SLURP1: variants seen among roughly 807,000 people sequenced by gnomAD.
SLURP1 encodes the protein secreted Ly-6/uPAR-related protein 1.
Under a neutral mutation model 7.9 loss-of-function variants are expected in SLURP1, and 2 were observed. That is an observed-to-expected ratio of 0.25 (90% CI 0.10 to 0.79). The LOEUF (loss-of-function observed/expected upper bound fraction) is 0.79. Ranked by LOEUF, SLURP1 falls within the 30% of genes least tolerant of loss-of-function variation. The pLI is 0.69. For synonymous variants in SLURP1, 59 were observed against 54.9 expected (o/e 1.07, Z -0.33); for missense variants, 111 against 139.8 (o/e 0.79, Z 1.04).
At chr8:142,742,013 C>A (rs1323044347) in intron 1 of SLURP1, 91 bp from the exon 2 acceptor site, 2 of 1,578,656 alleles carry the variant, frequency 1.3e-6, no homozygotes, top group East Asian at 4.5e-5. Context: ...GTCTCGCTGA[C>A]ATCTTTCAAG....
In SLURP1 at chr8:142,742,047, C is replaced by T. The variant is rs1254021197; in HGVS notation, c.59-125G>A. The T allele has an allele frequency of 8.2e-6, 12 of 1,463,326 alleles. No individual in the cohort carries two copies. The East Asian group carries it at 2.4e-4, about 30-fold the overall frequency. 90.6% of individuals were successfully genotyped at this position (1,463,326 alleles called of 1,614,324 possible). A position where few individuals can be genotyped will look rare whatever the true frequency, so the allele number is the denominator to read the frequency against. On this transcript the variant is annotated intron_variant, in intron 1 of 2. Coordinates refer to ENST00000246515, the MANE Select transcript of SLURP1 (RefSeq NM_020427.3). Reference sequence around the variant, plus strand: ...AGGCCCCGGGCAGCCCTTCAAGGGGCCTCTCTGGCAGCTTTCTCTAACTGA... The same window carrying T: ...AGGCCCCGGGCAGCCCTTCAAGGGGTCTCTCTGGCAGCTTTCTCTAACTGA...
At position 142,741,233 on chromosome 8, in the gene SLURP1, G is replaced by T. The variant is rs200448251; in HGVS notation, c.222C>A (p.Ser74=). The change falls in exon 3 of 3, where the codon TCC becomes TCA. Residue 74 remains serine, a synonymous_variant. Coordinates refer to ENST00000246515, the MANE Select transcript of SLURP1 (RefSeq NM_020427.3). This position sits in a 1 kb window ranked among gnomAD's most constrained non-coding sequence, Gnocchi z 4.3. ...CGGGGTCGGTGGCCACACAGGAGCTGGAGCAGGAGCGGGTCACCACGGGGC... is the reference window on the plus strand; with the variant it reads ...CGGGGTCGGTGGCCACACAGGAGCTTGAGCAGGAGCGGGTCACCACGGGGC... The part of the protein sequence containing the change: ...NQSPVVTRSC[S]SSCVATDPDS... 1 of 1,609,812 alleles carries T rather than the reference G, an allele frequency of 6.2e-7. No homozygotes were observed. Among genetic ancestry groups the T allele is most frequent in the East Asian group, 2.2e-5 (1 of 44,850 alleles).
chr8:142,742,265 C>A, intron 1 of SLURP1, 63 bp downstream of exon 1: 1 of 1,552,798 alleles, frequency 6.4e-7, no homozygotes, highest in African/African-American at 1.4e-5. Flanking sequence ...ACAGCCCCAT[C>A]CCCCTAGGAG....
In SLURP1 at chr8:142,741,387, C is replaced by T; in HGVS notation, c.179-111G>A. 7.1e-7 allele frequency: 1 copy of T among 1,415,792 alleles called. No homozygotes were observed. The highest frequency in any genetic ancestry group is 1.4e-5 in the South Asian group (1 of 73,742). 87.7% of individuals were successfully genotyped at this position (1,415,792 alleles called of 1,614,324 possible). A position where few individuals can be genotyped will look rare whatever the true frequency, so the allele number is the denominator to read the frequency against. On this transcript the variant is annotated intron_variant, in intron 2 of 2. Coordinates refer to ENST00000246515, the MANE Select transcript of SLURP1 (RefSeq NM_020427.3). This position sits in a 1 kb window ranked among gnomAD's most constrained non-coding sequence, Gnocchi z 4.3. ...TCACCCTCCCTGTGATCCCTGTTCCCAATAGTCCACATCTGTGAAGCCACC... is the reference window on the plus strand; with the variant it reads ...TCACCCTCCCTGTGATCCCTGTTCCTAATAGTCCACATCTGTGAAGCCACC...
Position 142,741,005 on chromosome 8 carries a change from G to C in SLURP1, c.*138C>G. ...GTATGGAAGGCAGAGGGCGCCCCTGGTGTGCTTCTCTCCCCTCAGACCCCA... is the reference window on the plus strand; with the variant it reads ...GTATGGAAGGCAGAGGGCGCCCCTGCTGTGCTTCTCTCCCCTCAGACCCCA... On this transcript the variant is annotated 3_prime_UTR_variant, in exon 3 of 3. Transcript: ENST00000246515. This position sits in a 1 kb window ranked among gnomAD's most constrained non-coding sequence, Gnocchi z 4.3. 1 of 1,291,896 alleles carries C rather than the reference G, an allele frequency of 7.7e-7. No individual in the cohort carries two copies. The highest frequency in any genetic ancestry group is 1.1e-6 in the Non-Finnish European group (1 of 916,450). The allele number at this position is 1,291,896 out of a possible 1,614,324, so 80.0% of individuals were successfully genotyped here.
chr8:142,741,687 G>A lies in SLURP1; in HGVS notation c.178+116C>T. 1 of 1,525,130 alleles carries A rather than the reference G, an allele frequency of 6.6e-7. No individual in the cohort carries two copies. Among genetic ancestry groups the A allele is most frequent in the Non-Finnish European group, 8.9e-7 (1 of 1,121,048 alleles). The allele number at this position is 1,525,130 out of a possible 1,614,324, so 94.5% of individuals were successfully genotyped here. ...CTGCCAAGGTGTGGCAGCCTGTTCT[G>A]CCCATCCCACCTGCTGCCTTTTGGG... On this transcript the variant is annotated intron_variant, in intron 2 of 2. Transcript: ENST00000246515. The surrounding 1 kb of genome is among the most constrained non-coding windows in gnomAD (Gnocchi z 4.3).
In SLURP1 at chr8:142,741,745, T is replaced by C; in HGVS notation, c.178+58A>G. The C allele has an allele frequency of 6.2e-7, 1 of 1,601,220 alleles. No homozygotes were observed. Among genetic ancestry groups the C allele is most frequent in the Non-Finnish European group, 8.5e-7 (1 of 1,179,548 alleles). ...GAGCACCAGCAAAGGAGGGAGGCAC[T>C]TGGGGGAGGTGGCCCTGACTCCAGT... On this transcript the variant is annotated intron_variant, in intron 2 of 2. Transcript: ENST00000246515. This position sits in a 1 kb window ranked among gnomAD's most constrained non-coding sequence, Gnocchi z 4.3.
rs1275225023 is a variant in SLURP1 at position 142,741,423 on chromosome 8, C to T, written c.179-147G>A. On this transcript the variant is annotated intron_variant, in intron 2 of 2. Coordinates refer to ENST00000246515, the MANE Select transcript of SLURP1 (RefSeq NM_020427.3). This position sits in a 1 kb window ranked among gnomAD's most constrained non-coding sequence, Gnocchi z 4.3. ...ATCTGTGAAGCCACCCAGGGCCCAGCCCTCCTCTGACTGTGACCTGTTCAT... is the reference window on the plus strand; with the variant it reads ...ATCTGTGAAGCCACCCAGGGCCCAGTCCTCCTCTGACTGTGACCTGTTCAT... 1.3e-5 allele frequency: 15 copies of T among 1,147,434 alleles called. No homozygotes were observed. In the Middle Eastern group the frequency reaches 1.8e-3, roughly 134 times the overall value. 71.1% of individuals were successfully genotyped at this position (1,147,434 alleles called of 1,614,324 possible).
chr8:142,741,885 C>T lies in SLURP1; in HGVS notation c.96G>A (p.Met32Ile), dbSNP rs776327719. The change falls in exon 2 of 3, where the codon ATG becomes ATA. Residue 32 changes from methionine (M) to isoleucine (I), a missense_variant. Physicochemically the swap from Met to Ile is conservative, Grantham distance 10. Coordinates refer to ENST00000246515, the MANE Select transcript of SLURP1 (RefSeq NM_020427.3). The surrounding 1 kb of genome is among the most constrained non-coding windows in gnomAD (Gnocchi z 4.3). ...TAATGGTCCTGCAGGAAGCACTGGT[C>T]ATGGGCTCCTTGCAGGTGTAGCACT... ...ALKCYTCKEP[M>I]TSASCRTITR... is the part of the protein sequence containing the mutation. The T allele has an allele frequency of 4.3e-6, 7 of 1,613,028 alleles. No individual in the cohort carries two copies. Among genetic ancestry groups the T allele is most frequent in the Admixed American group, 3.3e-5 (2 of 60,006 alleles).
In SLURP1 at chr8:142,741,027, C is replaced by T; in HGVS notation, c.*116G>A. 6.7e-7 allele frequency: 1 copy of T among 1,498,982 alleles called. No individual in the cohort carries two copies. Among genetic ancestry groups the T allele is most frequent in the Non-Finnish European group, 9.1e-7 (1 of 1,095,684 alleles). The allele number at this position is 1,498,982 out of a possible 1,614,324, so 92.9% of individuals were successfully genotyped here. A position where few individuals can be genotyped will look rare whatever the true frequency, so the allele number is the denominator to read the frequency against. The stretch of plus-strand genomic sequence containing the variant: ...CTGGTGTGCTTCTCTCCCCTCAGAC[C>T]CCATGAGTGAGCTGTGCCACAGCAG... On this transcript the variant is annotated 3_prime_UTR_variant, in exon 3 of 3. Coordinates refer to ENST00000246515, the MANE Select transcript of SLURP1 (RefSeq NM_020427.3). The surrounding 1 kb of genome is among the most constrained non-coding windows in gnomAD (Gnocchi z 4.3).
chr8:142,741,762 G>T lies in SLURP1; in HGVS notation c.178+41C>A. ...GGAGGCACTTGGGGGAGGTGGCCCT[G>T]ACTCCAGTGCACCCAGGGCTGCCGT... On this transcript the variant is annotated intron_variant, in intron 2 of 2. Transcript: ENST00000246515. The surrounding 1 kb of genome is among the most constrained non-coding windows in gnomAD (Gnocchi z 4.3). The T allele has an allele frequency of 1.2e-6, 2 of 1,604,626 alleles. No homozygotes were observed. Among genetic ancestry groups the T allele is most frequent in the South Asian group, 2.2e-5 (2 of 90,990 alleles).
At position 142,741,856 on chromosome 8, in the gene SLURP1, C is replaced by G. The variant is rs142285553; in HGVS notation, c.125G>C (p.Arg42Pro). 1.2e-6 allele frequency: 2 copies of G among 1,613,204 alleles called. No individual in the cohort carries two copies. Among genetic ancestry groups the G allele is most frequent in the Non-Finnish European group, 8.5e-7 (1 of 1,179,984 alleles). ...MTSASCRTIT[R>P]CKPEDTACMT... ...GCAGGCTGTGTCCTCTGGCTTGCAGCGGGTAATGGTCCTGCAGGAAGCACT... is the reference window on the plus strand; with the variant it reads ...GCAGGCTGTGTCCTCTGGCTTGCAGGGGGTAATGGTCCTGCAGGAAGCACT... Residue 42 changes from arginine to proline, a missense_variant, in exon 2 of 3, where the codon CGC becomes CCC. Physicochemically the swap from Arg to Pro is moderately radical, Grantham distance 103. Coordinates refer to ENST00000246515, the MANE Select transcript of SLURP1 (RefSeq NM_020427.3). The surrounding 1 kb of genome is among the most constrained non-coding windows in gnomAD (Gnocchi z 4.3).
In SLURP1 at chr8:142,741,790, G is replaced by A. The variant is rs1350119296; in HGVS notation, c.178+13C>T. The A allele has an allele frequency of 6.2e-7, 1 of 1,610,034 alleles. No individual in the cohort carries two copies. Among genetic ancestry groups the A allele is most frequent in the Non-Finnish European group, 8.5e-7 (1 of 1,179,938 alleles). On this transcript the variant is annotated intron_variant, in intron 2 of 2. Transcript: ENST00000246515. The surrounding 1 kb of genome is among the most constrained non-coding windows in gnomAD (Gnocchi z 4.3). ...TCCAGTGCACCCAGGGCTGCCGTGG[G>A]GCCTGGCCTCACCTGCCTCCACCGT...
chr8:142,741,935 TG>T lies in SLURP1; in HGVS notation c.59-14del. On this transcript the variant is annotated splice_polypyrimidine_tract_variant and intron_variant, in intron 1 of 2. Transcript: ENST00000246515. The surrounding 1 kb of genome is among the most constrained non-coding windows in gnomAD (Gnocchi z 4.3). ...TTGAGGGCCTCACCTGGGTGAGGGA[TG>T]GGGGCAGAACCTCATCACCTGACCT... 1 of 1,610,870 alleles carries T rather than the reference TG, an allele frequency of 6.2e-7. No homozygotes were observed.
chr8:142,741,378 C>T lies in SLURP1; in HGVS notation c.179-102G>A. On this transcript the variant is annotated intron_variant, in intron 2 of 2. Coordinates refer to ENST00000246515, the MANE Select transcript of SLURP1 (RefSeq NM_020427.3). The surrounding 1 kb of genome is among the most constrained non-coding windows in gnomAD (Gnocchi z 4.3). ...CGCCTGACCTCACCCTCCCTGTGATCCCTGTTCCCAATAGTCCACATCTGT... is the reference window on the plus strand; with the variant it reads ...CGCCTGACCTCACCCTCCCTGTGATTCCTGTTCCCAATAGTCCACATCTGT... 2 of 1,458,054 alleles carry T rather than the reference C, an allele frequency of 1.4e-6. No individual in the cohort carries two copies. Among genetic ancestry groups the T allele is most frequent in the Non-Finnish European group, 1.8e-6 (2 of 1,092,856 alleles). The allele number at this position is 1,458,054 out of a possible 1,614,324, so 90.3% of individuals were successfully genotyped here. A position where few individuals can be genotyped will look rare whatever the true frequency, so the allele number is the denominator to read the frequency against.
Position 142,741,353 on chromosome 8 carries a change from C to T in SLURP1, c.179-77G>A, listed in dbSNP as rs894189722. 1.9e-5 allele frequency: 29 copies of T among 1,503,906 alleles called. No homozygotes were observed. The highest frequency in any genetic ancestry group is 2.3e-5 in the Non-Finnish European group (26 of 1,127,282). The allele number at this position is 1,503,906 out of a possible 1,614,324, so 93.2% of individuals were successfully genotyped here. A position where few individuals can be genotyped will look rare whatever the true frequency, so the allele number is the denominator to read the frequency against. On this transcript the variant is annotated intron_variant, in intron 2 of 2. Transcript: ENST00000246515. This position sits in a 1 kb window ranked among gnomAD's most constrained non-coding sequence, Gnocchi z 4.3. ...CTGCTGCACTGCTCCCAGCCGCCGT[C>T]GCCTGACCTCACCCTCCCTGTGATC...
chr8:142,741,603 G>A lies in SLURP1; in HGVS notation c.178+200C>T, dbSNP rs182109635. Among the ~76,000 whole-genome samples the A allele has an allele frequency of 1.0e-3, 158 of 152,346 alleles. 2 individuals carry two copies. The highest frequency in any genetic ancestry group is 3.4e-3 in the African/African-American group (141 of 41,588). ...CCATTAAGCCCCACCCACCTCCAGC[G>A]CCTGGTGCCCCAGGACTGGGTCTCT... On this transcript the variant is annotated intron_variant, in intron 2 of 2. Coordinates refer to ENST00000246515, the MANE Select transcript of SLURP1 (RefSeq NM_020427.3). This position sits in a 1 kb window ranked among gnomAD's most constrained non-coding sequence, Gnocchi z 4.3.
chr8:142,741,720 G>A lies in SLURP1; in HGVS notation c.178+83C>T. 2 of 1,593,186 alleles carry A rather than the reference G, an allele frequency of 1.3e-6. No individual in the cohort carries two copies. The highest frequency in any genetic ancestry group is 1.7e-6 in the Non-Finnish European group (2 of 1,175,442). ...CACCTGCTGCCTTTTGGGCCGGGAG[G>A]AGCACCAGCAAAGGAGGGAGGCACT... is the stretch of plus-strand genomic sequence containing the variant. On this transcript the variant is annotated intron_variant, in intron 2 of 2. Coordinates refer to ENST00000246515, the MANE Select transcript of SLURP1 (RefSeq NM_020427.3). The surrounding 1 kb of genome is among the most constrained non-coding windows in gnomAD (Gnocchi z 4.3).
intron 1 of SLURP1, 151 bp downstream of exon 1, chr8:142,742,177 A>G (rs1341342644): frequency 2.9e-6 from 3 of 1,020,002 alleles, no homozygotes; most frequent in African/African-American, 3.2e-5. Context: ...GGGCTCTGGG[A>G]CCCAGGAGGC....
Sources: gnomAD v4.1 joint callset for allele counts (sites outside exome capture counted in the v4.1 genomes callset) on GRCh38, gnomAD v4.1.1 for gene constraint, Gnocchi (gnomAD v3.1) non-coding constraint, MANE v1.5 for transcripts, NCBI Gene and HGNC (gene_info 2026-07-23, HGNC 2026-07-21) for gene names.